Variants in LRIG2 observed in about 807,000 individuals in gnomAD.
LRIG2 encodes leucine-rich repeats and immunoglobulin-like domains protein 2.
In LRIG2, 93 loss-of-function variants were observed where a neutral mutation model predicts 107.8. The ratio of observed to expected loss-of-function variants is 0.86; its 90% confidence interval spans 0.73 to 1.03. The LOEUF (loss-of-function observed/expected upper bound fraction) is 1.03, where lower values mean the gene tolerates loss of function less well. Among genes scored for constraint, LRIG2 ranks in the 50% least tolerant of loss-of-function variants. The pLI is 0.00. For synonymous variants in LRIG2, 471 were observed against 470.6 expected, an observed-to-expected ratio of 1.00 and a Z score of -0.01; for missense variants, 1,226 against 1,296.0, an observed-to-expected ratio of 0.95 and a Z score of 0.83.
chr1:113,110,457 T>C lies in LRIG2; in HGVS notation c.1693T>C (p.Leu565=). The change falls in exon 13 of 18, where the codon TTA becomes CTA. Residue 565 remains leucine, a synonymous_variant. Transcript: ENST00000361127. The part of the protein sequence containing the change: ...AGEALEYTSI[L]HLFNVNFTDE... Reference sequence around the variant, plus strand: ...AGAAGCTCTGGAATATACTAGTATCTTACATCTTTTCAATGTGAATTTCAC... The same window carrying C: ...AGAAGCTCTGGAATATACTAGTATCCTACATCTTTTCAATGTGAATTTCAC... 1 of 1,613,556 alleles carries C rather than the reference T, an allele frequency of 6.2e-7. No individual in the cohort carries two copies. The highest frequency in any genetic ancestry group is 8.5e-7 in the Non-Finnish European group (1 of 1,179,416).
intron 1 of LRIG2, among the ~76,000 whole-genome samples, chr1:113,075,100 C>G (rs1652910321): frequency 1.3e-5 from 2 of 151,292 alleles, no homozygotes; most frequent in Non-Finnish European, 1.5e-5. Context: ...GCCTGTAATA[C>G]TAGCTACACC....
intron 16 of LRIG2, among the ~76,000 whole-genome samples, chr1:113,118,536 T>C (rs1015117456): frequency 3.9e-5 from 6 of 152,242 alleles, no homozygotes. Context: ...GTACCAGCCT[T>C]ATCTTGCTCC....
chr1:113,105,440 C>G (rs1237767365), intron 11 of LRIG2, among the ~76,000 whole-genome samples: 1 of 152,122 alleles, frequency 6.6e-6, no homozygotes, highest in Non-Finnish European at 1.5e-5. Context: ...AATTATATAA[C>G]TTTAATGGAA....
Position 113,100,232 on chromosome 1 carries a change from T to C in LRIG2, c.1194T>C (p.Ile398=). Reference sequence around the variant, plus strand: ...TCAGAATCTTACAAGGAAACCAGATTAAGTCAATTACAAAGAAAGCATTCA... The same window carrying C: ...TCAGAATCTTACAAGGAAACCAGATCAAGTCAATTACAAAGAAAGCATTCA... The part of the protein sequence containing the change: ...LTKLILQGNQ[I]KSITKKAFIG... The change falls in exon 10 of 18, where the codon ATT becomes ATC. Residue 398 remains isoleucine, a synonymous_variant. Coordinates refer to ENST00000361127, the MANE Select transcript of LRIG2 (RefSeq NM_014813.3). The C allele has an allele frequency of 6.3e-7, 1 of 1,585,918 alleles. No individual in the cohort carries two copies. Among genetic ancestry groups the C allele is most frequent in the Non-Finnish European group, 8.6e-7 (1 of 1,159,760 alleles).
Position 113,110,323 on chromosome 1 carries a change from C to T in LRIG2, c.1559C>T (p.Thr520Ile), listed in dbSNP as rs1168156481. 1.9e-6 allele frequency: 3 copies of T among 1,614,018 alleles called. No homozygotes were observed. Among genetic ancestry groups the T allele is most frequent in the Non-Finnish European group, 2.5e-6 (3 of 1,179,974 alleles). ...LRGMNVTLTC[T>I]AVSSSDSPMS... ...GGCATGAATGTGACTCTGACGTGCA[C>T]TGCAGTGAGCAGCAGTGATTCACCC... Residue 520 changes from threonine (T) to isoleucine (I), a missense_variant, in exon 13 of 18, where the codon ACT (threonine) becomes ATT (isoleucine). By Grantham distance (89) the Thr-to-Ile change is moderately conservative (BLOSUM62 -1). This residue lies in a region of LRIG2 where 642 missense variants were observed against 712.2 expected (regional missense o/e 0.90). Coordinates refer to ENST00000361127, the MANE Select transcript of LRIG2 (RefSeq NM_014813.3).
chr1:113,078,329 C>T (rs1653088879), intron 1 of LRIG2, among the ~76,000 whole-genome samples: 1 of 151,754 alleles, frequency 6.6e-6, no homozygotes, highest in Non-Finnish European at 1.5e-5. Context: ...ACCCCCGCCT[C>T]CTGGGTTTGA....
Position 113,124,236 on chromosome 1 carries a change from T to C in LRIG2, c.*135T>C. 4.0e-6 allele frequency: 3 copies of C among 752,060 alleles called. No homozygotes were observed. The highest frequency in any genetic ancestry group is 6.5e-6 in the Non-Finnish European group (3 of 461,770). 46.6% of individuals were successfully genotyped at this position (752,060 alleles called of 1,614,324 possible). On this transcript the variant is annotated 3_prime_UTR_variant, in exon 18 of 18. Coordinates refer to ENST00000361127, the MANE Select transcript of LRIG2 (RefSeq NM_014813.3). ...ATGATTGCATCTGACCGCACCAAGGTGGGCCATGCGTTGTTTGGTCTTATA... is the reference window on the plus strand; with the variant it reads ...ATGATTGCATCTGACCGCACCAAGGCGGGCCATGCGTTGTTTGGTCTTATA...
intron 1 of LRIG2, among the ~76,000 whole-genome samples, chr1:113,076,503 T>C (rs1053977623): frequency 6.6e-6 from 1 of 152,196 alleles, no homozygotes; most frequent in Non-Finnish European, 1.5e-5. Flanking sequence ...TAGAGAACAA[T>C]TCAGTTGTAG....
intron 13 of LRIG2, among the ~76,000 whole-genome samples, chr1:113,110,990 TTGTGTGTG>T (rs71087153): frequency 5.4e-5 from 8 of 149,520 alleles, no homozygotes; most frequent in Admixed American, 2.0e-4. Context: ...ACAGGATCAT[TTGTGTGTG>T]TGTGTGTGTG....
chr1:113,082,283 T>C (rs1653323639), intron 1 of LRIG2, among the ~76,000 whole-genome samples: 1 of 152,234 alleles, frequency 6.6e-6, no homozygotes, highest in South Asian at 2.1e-4. Context: ...ATAAGATATC[T>C]GAACAAGAAA....
intron 11 of LRIG2, among the ~76,000 whole-genome samples, chr1:113,106,141 T>C (rs938589403): frequency 6.6e-6 from 1 of 151,684 alleles, no homozygotes; most frequent in African/African-American, 2.4e-5. Flanking sequence ...GGCAGGAGAA[T>C]CGCTTGAACC....
At chr1:113,084,276 C>T (rs1653440426) in intron 1 of LRIG2, among the ~76,000 whole-genome samples, 1 of 140,052 alleles carries the variant, frequency 7.1e-6, no homozygotes, top group Middle Eastern at 4.1e-3. Flanking sequence ...AGTGCAGTGG[C>T]GCAATCTCGG....
intron 13 of LRIG2, among the ~76,000 whole-genome samples, chr1:113,111,297 A>C (rs974858795): frequency 2.0e-5 from 3 of 152,156 alleles, no homozygotes; most frequent in Non-Finnish European, 2.9e-5. Flanking sequence ...TGGCCTCCCA[A>C]AGTATTCGGA....
chr1:113,077,941 T>G (rs1653064075), intron 1 of LRIG2, among the ~76,000 whole-genome samples: 1 of 141,706 alleles, frequency 7.1e-6, no homozygotes, highest in African/African-American at 2.6e-5. Context: ...TGTGTCCATG[T>G]GTTCTCATTG....
intron 11 of LRIG2, among the ~76,000 whole-genome samples, chr1:113,104,725 G>A (rs1192136612): frequency 6.6e-6 from 1 of 151,980 alleles, no homozygotes; most frequent in Admixed American, 6.6e-5. Flanking sequence ...TCCAATTTAT[G>A]TTTTCTTAGG....
intron 9 of LRIG2, among the ~76,000 whole-genome samples, chr1:113,099,168 C>A (rs182273306): frequency 6.6e-6 from 1 of 151,764 alleles, no homozygotes; most frequent in Non-Finnish European, 1.5e-5. Context: ...AACTCCTGAC[C>A]TCGTGATCTG....
chr1:113,075,495 T>G (rs966947087), intron 1 of LRIG2, among the ~76,000 whole-genome samples: 1 of 152,144 alleles, frequency 6.6e-6, no homozygotes, highest in Non-Finnish European at 1.5e-5. Flanking sequence ...TCACTTCTGG[T>G]TTTATTGACC....
intron 14 of LRIG2, among the ~76,000 whole-genome samples, chr1:113,113,146 G>T (rs1407218350): frequency 5.4e-5 from 8 of 148,904 alleles, no homozygotes; most frequent in Non-Finnish European, 8.9e-5. Flanking sequence ...TTCACTTATT[G>T]CTTGATAGGA....
At chr1:113,111,913 T>A (rs12037402) in intron 13 of LRIG2, among the ~76,000 whole-genome samples, 2 of 152,270 alleles carry the variant, frequency 1.3e-5, no homozygotes, top group East Asian at 3.9e-4. Context: ...TTTCAAGTGA[T>A]TCTCCTGCCT....
Sources: gnomAD v4.1 joint callset for allele counts (sites outside exome capture counted in the v4.1 genomes callset) on GRCh38, gnomAD v4.1.1 for gene constraint, gnomAD v4.1.1 regional missense constraint, MANE v1.5 for transcripts, NCBI Gene and HGNC (gene_info 2026-07-23, HGNC 2026-07-21) for gene names.